DLAT: variants seen among roughly 807,000 people sequenced by gnomAD.
DLAT encodes the protein dihydrolipoamide S-acetyltransferase.
In DLAT, 43 loss-of-function variants were observed where a neutral mutation model predicts 68.0. The ratio of observed to expected loss-of-function variants is 0.63; its 90% confidence interval spans 0.50 to 0.81. DLAT has a LOEUF of 0.81. DLAT is among the 40% of genes least tolerant of loss of function. DLAT has a pLI of 0.00. For synonymous variants in DLAT, 265 were observed against 288.6 expected (o/e 0.92, Z 0.83); for missense variants, 745 against 815.4 (o/e 0.91, Z 1.05).
intron 4 of DLAT, chr11:112,030,506 G>A (rs1862335669): frequency 4.1e-6 from 1 of 245,978 alleles, no homozygotes; most frequent in African/African-American, 2.3e-5. Flanking sequence ...TTGACATGTG[G>A]TGATCTATTT....
intron 4 of DLAT, 26 bp downstream of exon 4, chr11:112,028,971 C>T (rs781863843): frequency 2.6e-5 from 42 of 1,613,590 alleles, no homozygotes; most frequent in Non-Finnish European, 1.6e-5. Context: ...TGAGTTTTTG[C>T]TCTAGGTGAT....
chr11:112,035,431 T>A (rs1322932870), intron 5 of DLAT, among the ~76,000 whole-genome samples: 2 of 152,170 alleles, frequency 1.3e-5, no homozygotes, highest in African/African-American at 4.8e-5. Flanking sequence ...TAGAGAAGTG[T>A]TACCTTGGTT....
rs1566630736 is a variant in DLAT at position 112,051,350 on chromosome 11, G to A, written c.1514+1G>A. 1.3e-6 allele frequency: 2 copies of A among 1,589,692 alleles called. No individual in the cohort carries two copies. Among genetic ancestry groups the A allele is most frequent in the Non-Finnish European group, 1.7e-6 (2 of 1,158,332 alleles). On this transcript the variant is annotated splice_donor_variant, in intron 11 of 13. Transcript: ENST00000280346. LOFTEE classifies it high-confidence loss of function. The surrounding 1 kb of genome is among the most constrained non-coding windows in gnomAD (Gnocchi z 4.3). The stretch of plus-strand genomic sequence containing the variant: ...CTTGGATGGACACAGTTATAAGACA[G>A]TAAGTATAACTGGGGAAGATATATA...
At chr11:112,061,284 T>C (rs782035103) in intron 13 of DLAT, 110 bp downstream of exon 13, 2 of 1,130,100 alleles carry the variant, frequency 1.8e-6, no homozygotes, top group Non-Finnish European at 2.7e-6. Context: ...AATATCGTGA[T>C]CCACAATGCT....
intron 11 of DLAT, among the ~76,000 whole-genome samples, chr11:112,052,589 G>A (rs73568031): frequency 0.021 from 3,167 of 152,232 alleles, 123 homozygotes; most frequent in African/African-American, 0.073. Flanking sequence ...GTGGTGCAGA[G>A]CTTCCATGTC....
chr11:112,048,558 G>C (rs1863446794), intron 10 of DLAT, among the ~76,000 whole-genome samples: 1 of 152,148 alleles, frequency 6.6e-6, no homozygotes, highest in South Asian at 2.1e-4. Context: ...TTTTGAGACT[G>C]AGTCTCACTC....
At position 112,025,840 on chromosome 11, in the gene DLAT, TC is replaced by T. The variant is rs1861965695; in HGVS notation, c.279+91del. 3.3e-6 allele frequency: 5 copies of T among 1,508,824 alleles called. No individual in the cohort carries two copies. The South Asian group carries it at 6.1e-5, about 18-fold the overall frequency. 93.5% of individuals were successfully genotyped at this position (1,508,824 alleles called of 1,614,324 possible). A position where few individuals can be genotyped will look rare whatever the true frequency, so the allele number is the denominator to read the frequency against. The stretch of plus-strand genomic sequence containing the variant: ...GATCCTCCTTGAGAGGCCTCACTGA[TC>T]CTCCACCCATTCCCAGTATCTGCTT... On this transcript the variant is annotated intron_variant, in intron 1 of 13. Coordinates refer to ENST00000280346, the MANE Select transcript of DLAT (RefSeq NM_001931.5).
intron 11 of DLAT, among the ~76,000 whole-genome samples, chr11:112,055,526 G>C (rs926241006): frequency 6.6e-6 from 1 of 151,874 alleles, no homozygotes; most frequent in African/African-American, 2.4e-5. Flanking sequence ...TTACAGGCGT[G>C]AGCCACCGCG....
intron 8 of DLAT, 65 bp from the exon 9 acceptor site, chr11:112,045,073 C>G (rs982794508): frequency 7.9e-7 from 1 of 1,267,252 alleles, no homozygotes; most frequent in Non-Finnish European, 1.2e-6. Flanking sequence ...CACTGGCAGT[C>G]TTTCCCAGGT....
At chr11:112,034,632 T>G (rs1346476445) in intron 5 of DLAT, among the ~76,000 whole-genome samples, 3 of 151,146 alleles carry the variant, frequency 2.0e-5, no homozygotes, top group Admixed American at 2.0e-4. Flanking sequence ...TTAGTAGAGA[T>G]GGGGTTTCAC....
rs1412504366 is a variant in DLAT, at chr11:112,062,854, C to CTTT, written c.*320_*321insTTT. The CTTT allele has an allele frequency of 1.2e-5, 4 of 334,482 alleles. No individual in the cohort carries two copies. In the East Asian group the frequency reaches 2.9e-4, roughly 24 times the overall value. 20.7% of individuals were successfully genotyped at this position (334,482 alleles called of 1,614,324 possible). ...GTACGATAGGTAGAATTGTGGTTCCCTAAAGACAAGTACATAAAGGTGACC... is the reference window on the plus strand; with the variant it reads ...GTACGATAGGTAGAATTGTGGTTCCCTTTTAAAGACAAGTACATAAAGGTGACC... On this transcript the variant is annotated 3_prime_UTR_variant, in exon 14 of 14. Transcript: ENST00000280346.
At position 112,061,103 on chromosome 11, in the gene DLAT, C is replaced by T. The variant is rs150592352; in HGVS notation, c.1743C>T (p.Asn581=). ...TTAAGAATTTCTCTGCTATTATTAA[C>T]CCACCTCAAGCATGTATTTTGGCAA... ...FGIKNFSAII[N]PPQACILAIG... Residue 581 remains asparagine (N), a synonymous_variant, in exon 13 of 14, where the codon AAC becomes AAT. Coordinates refer to ENST00000280346, the MANE Select transcript of DLAT (RefSeq NM_001931.5). 1.9e-5 allele frequency: 30 copies of T among 1,613,704 alleles called. No individual in the cohort carries two copies. The African/African-American group carries it at 3.6e-4, about 19-fold the overall frequency.
chr11:112,036,165 A>G (rs1188948627), intron 5 of DLAT, among the ~76,000 whole-genome samples: 5 of 101,840 alleles, frequency 4.9e-5, no homozygotes, highest in African/African-American at 2.3e-4. Context: ...GTGTGTGTAT[A>G]TATGTGTGTG....
chr11:112,059,830 T>C, intron 11 of DLAT, 73 bp from the exon 12 acceptor site: 1 of 1,334,168 alleles, frequency 7.5e-7, no homozygotes, highest in Non-Finnish European at 1.0e-6. Flanking sequence ...TAAATATAAA[T>C]ATTCTTGCTT....
intron 4 of DLAT, among the ~76,000 whole-genome samples, chr11:112,030,752 C>T (rs1175848349): frequency 3.9e-5 from 6 of 152,258 alleles, no homozygotes; most frequent in Admixed American, 2.6e-4. Flanking sequence ...AAAATCCAGC[C>T]GTCCTTTTCT....
At chr11:112,052,346 C>T (rs975819261) in intron 11 of DLAT, among the ~76,000 whole-genome samples, 1 of 152,062 alleles carries the variant, frequency 6.6e-6, no homozygotes, top group African/African-American at 2.4e-5. Context: ...AGATTGAGGG[C>T]TCAGTCCTAC....
At chr11:112,030,094 G>A in intron 4 of DLAT, 1 of 821,294 alleles carries the variant, frequency 1.2e-6, no homozygotes, top group Non-Finnish European at 2.0e-6. Context: ...AATGTCTCCT[G>A]GTAAATACTG....
chr11:112,033,614 AGT>A, intron 5 of DLAT, 84 bp downstream of exon 5: 1 of 1,483,874 alleles, frequency 6.7e-7, no homozygotes, highest in South Asian at 1.2e-5. Context: ...ATAATGAGTG[AGT>A]GATAATATGA....
intron 7 of DLAT, among the ~76,000 whole-genome samples, chr11:112,042,476 A>G (rs1174291458): frequency 1.3e-5 from 2 of 152,212 alleles, no homozygotes; most frequent in Non-Finnish European, 2.9e-5. Context: ...ATCCTAGCCA[A>G]CTCAGTTTTC....
Sources: gnomAD v4.1 joint callset for allele counts (sites outside exome capture counted in the v4.1 genomes callset) on GRCh38, gnomAD v4.1.1 for gene constraint, Gnocchi (gnomAD v3.1) non-coding constraint, MANE v1.5 for transcripts, NCBI Gene and HGNC (gene_info 2026-07-23, HGNC 2026-07-21) for gene names.